The following MACROD2 variants were observed in gnomAD, a reference collection of about 807,000 sequenced individuals.
MACROD2 encodes mono-ADP ribosylhydrolase 2.
MACROD2 carries 36 observed loss-of-function variants against 70.4 expected under a neutral mutation model. The observed-to-expected ratio is 0.51, with a 90% CI of 0.39 to 0.68. The LOEUF (loss-of-function observed/expected upper bound fraction) is 0.68, where lower values mean the gene tolerates loss of function less well. Among genes scored for constraint, MACROD2 ranks in the 30% least tolerant of loss-of-function variants. The pLI is 0.00. For missense variants in MACROD2, 496 were observed against 538.4 expected (o/e 0.92, Z 0.78); for synonymous variants, 172 against 178.8 (o/e 0.96, Z 0.30).
chr20:15,092,001 A>G (rs1413595530), intron 5 of MACROD2, among the ~76,000 whole-genome samples: 1 of 149,126 alleles, frequency 6.7e-6, no homozygotes, highest in African/African-American at 2.5e-5. Flanking sequence ...GGAAAATAAG[A>G]TTGTATTTCT....
At chr20:15,758,178 A>G (rs1292372469) in intron 8 of MACROD2, among the ~76,000 whole-genome samples, 3 of 151,062 alleles carry the variant, frequency 2.0e-5, no homozygotes, top group African/African-American at 7.3e-5. Flanking sequence ...CCAACAGCTC[A>G]TTTCTATATG....
At chr20:15,704,867 C>T (rs900035119) in intron 8 of MACROD2, among the ~76,000 whole-genome samples, 12 of 152,122 alleles carry the variant, frequency 7.9e-5, no homozygotes, top group African/African-American at 2.9e-4. Context: ...TTTGGTACTG[C>T]CCATTATCTT....
At chr20:15,068,936 G>A (rs1183255540) in intron 5 of MACROD2, among the ~76,000 whole-genome samples, 1 of 152,128 alleles carries the variant, frequency 6.6e-6, no homozygotes, top group South Asian at 2.1e-4. Flanking sequence ...AGGAAGACAA[G>A]GGAAAGTTTG....
intron 5 of MACROD2, among the ~76,000 whole-genome samples, chr20:15,134,966 G>A (rs529876755): frequency 8.2e-4 from 125 of 152,278 alleles, no homozygotes; most frequent in African/African-American, 2.6e-3. Context: ...AAATCTAGAA[G>A]AAATGGATAA....
chr20:14,071,519 C>G (rs2053842448), intron 2 of MACROD2, among the ~76,000 whole-genome samples: 1 of 151,992 alleles, frequency 6.6e-6, no homozygotes, highest in Non-Finnish European at 1.5e-5. Flanking sequence ...CTCGGCCTCC[C>G]AAAGTGCTGG....
At chr20:15,729,902 C>T (rs2050922023) in intron 8 of MACROD2, among the ~76,000 whole-genome samples, 1 of 130,510 alleles carries the variant, frequency 7.7e-6, no homozygotes, top group Admixed American at 9.1e-5. Context: ...AATCTCAGCT[C>T]ACTGCAAACT....
At chr20:15,726,749 G>A (rs2050868054) in intron 8 of MACROD2, among the ~76,000 whole-genome samples, 1 of 151,954 alleles carries the variant, frequency 6.6e-6, no homozygotes, top group African/African-American at 2.4e-5. Flanking sequence ...ATCTATTCAT[G>A]TCCTTTGCCT....
At chr20:14,821,214 T>C (rs1258742401) in intron 5 of MACROD2, among the ~76,000 whole-genome samples, 4 of 152,122 alleles carry the variant, frequency 2.6e-5, no homozygotes, top group Non-Finnish European at 5.9e-5. Flanking sequence ...ACTTCTTTTT[T>C]TCAGTATACT....
intron 3 of MACROD2, among the ~76,000 whole-genome samples, chr20:14,387,159 T>A (rs959945721): frequency 4.6e-5 from 7 of 152,240 alleles, no homozygotes; most frequent in African/African-American, 1.7e-4. Flanking sequence ...CTAGGCCTCC[T>A]CAGGAGTAGT....
intron 9 of MACROD2, among the ~76,000 whole-genome samples, chr20:15,867,290 A>T (rs1197435569): frequency 6.6e-6 from 1 of 152,214 alleles, no homozygotes; most frequent in Non-Finnish European, 1.5e-5. Flanking sequence ...AAAAATTCAC[A>T]GGGCACAATT....
At chr20:14,103,295 G>T (rs1018717760) in intron 3 of MACROD2, among the ~76,000 whole-genome samples, 2 of 152,100 alleles carry the variant, frequency 1.3e-5, no homozygotes, top group African/African-American at 4.8e-5. Context: ...AAGTTAAATA[G>T]TAACAAAGTC....
chr20:14,160,452 G>T (rs2055169034), intron 3 of MACROD2, among the ~76,000 whole-genome samples: 1 of 151,826 alleles, frequency 6.6e-6, no homozygotes, highest in Non-Finnish European at 1.5e-5. Context: ...ATCCAGGTAG[G>T]TTGTATGTAC....
In MACROD2 at chr20:15,060,226, A is replaced by T. The variant is rs533571302; in HGVS notation, c.419-169714A>T. 7.9e-5 allele frequency among the ~76,000 whole-genome samples: 12 copies of T among 152,304 alleles called. No individual in the cohort carries two copies. In the South Asian group the frequency reaches 2.5e-3, roughly 32 times the overall value. ...TTCCAAGAATCCCCTGCCCTGTGTGATTCTGGTTGCGTTGGCTAAAAGAAG... is the reference window on the plus strand; with the variant it reads ...TTCCAAGAATCCCCTGCCCTGTGTGTTTCTGGTTGCGTTGGCTAAAAGAAG... On this transcript the variant is annotated intron_variant, in intron 5 of 17. Coordinates refer to ENST00000684519, the MANE Select transcript of MACROD2 (RefSeq NM_001351661.2).
chr20:14,035,459 A>T (rs1009546640), intron 2 of MACROD2, among the ~76,000 whole-genome samples: 10 of 152,052 alleles, frequency 6.6e-5, no homozygotes, highest in African/African-American at 2.4e-4. Flanking sequence ...TGTATTCTCA[A>T]CTCTCCCATT....
chr20:15,295,606 C>G (rs2077579026), intron 6 of MACROD2, among the ~76,000 whole-genome samples: 1 of 140,026 alleles, frequency 7.1e-6, no homozygotes, highest in African/African-American at 2.6e-5. Flanking sequence ...CACACACACA[C>G]ACACACACAC....
At chr20:15,356,173 T>A (rs1462914584) in intron 6 of MACROD2, among the ~76,000 whole-genome samples, 1 of 152,210 alleles carries the variant, frequency 6.6e-6, no homozygotes, top group East Asian at 1.9e-4. Context: ...TCATCATTTG[T>A]AACCTTTGTG....
chr20:14,906,150 T>G (rs2073956467), intron 5 of MACROD2: 1 of 152,134 alleles, frequency 6.6e-6, no homozygotes, highest in African/African-American at 2.4e-5. Flanking sequence ...AAGAGGGAAA[T>G]TTTCTTCTTT....
At chr20:15,088,428 T>TATATATAA (rs2075767464) in intron 5 of MACROD2, among the ~76,000 whole-genome samples, 6 of 36,678 alleles carry the variant, frequency 1.6e-4, no homozygotes, top group African/African-American at 4.3e-4. Context: ...TATATATATA[T>TATATATAA]ATATATATAT....
At chr20:14,720,775 A>G (rs539241738) in intron 5 of MACROD2, among the ~76,000 whole-genome samples, 1 of 151,550 alleles carries the variant, frequency 6.6e-6, no homozygotes, top group South Asian at 2.1e-4. Flanking sequence ...GATGGTCTCA[A>G]TCTCATGACC....
Sources: allele counts gnomAD v4.1 joint callset (sites outside exome capture counted in the v4.1 genomes callset), GRCh38; gene constraint gnomAD v4.1.1; transcripts MANE v1.5; gene names NCBI Gene and HGNC (gene_info 2026-07-23, HGNC 2026-07-21).